GRIA1: variants seen among roughly 807,000 people sequenced by gnomAD.
The protein encoded by GRIA1 is glutamate ionotropic receptor AMPA type subunit 1, also known as glutamate receptor 1.
In GRIA1, 31 loss-of-function variants were observed where a neutral mutation model predicts 99.2. That is an observed-to-expected ratio of 0.31 (90% CI 0.23 to 0.42). The LOEUF (loss-of-function observed/expected upper bound fraction) is 0.42. Among genes scored for constraint, GRIA1 ranks in the 10% least tolerant of loss-of-function variants. The pLI is 1.00. For missense variants in GRIA1, 782 were observed against 1,157.5 expected, an observed-to-expected ratio of 0.68 and a Z score of 4.71; for synonymous variants, 438 against 432.4, an observed-to-expected ratio of 1.01 and a Z score of -0.16.
At chr5:153,671,658 G>A (rs952309196) in intron 5 of GRIA1, among the ~76,000 whole-genome samples, 1 of 152,128 alleles carries the variant, frequency 6.6e-6, no homozygotes, top group African/African-American at 2.4e-5. Flanking sequence ...GGTATTTGCT[G>A]CCTGCTGGTC....
intron 2 of GRIA1, among the ~76,000 whole-genome samples, chr5:153,583,065 T>A (rs1222191271): frequency 6.6e-6 from 1 of 152,132 alleles, no homozygotes; most frequent in Non-Finnish European, 1.5e-5. Flanking sequence ...CCCAAAGTGC[T>A]GGGATTACAG....
intron 2 of GRIA1, among the ~76,000 whole-genome samples, chr5:153,512,476 A>C (rs569925571): frequency 5.3e-5 from 8 of 152,338 alleles, no homozygotes; most frequent in African/African-American, 1.9e-4. Flanking sequence ...TCTATGGCCC[A>C]AGAGGCCAAA....
At chr5:153,622,117 A>T (rs1250276156) in intron 2 of GRIA1, among the ~76,000 whole-genome samples, 1 of 152,168 alleles carries the variant, frequency 6.6e-6, no homozygotes, top group Non-Finnish European at 1.5e-5. Flanking sequence ...ATATGTTAGA[A>T]ATGAAAATTC....
chr5:153,726,663 C>T (rs1760558068), intron 11 of GRIA1, among the ~76,000 whole-genome samples: 1 of 152,188 alleles, frequency 6.6e-6, no homozygotes, highest in African/African-American at 2.4e-5. Context: ...TTCCTCGACA[C>T]ATACACCCTC....
intron 2 of GRIA1, among the ~76,000 whole-genome samples, chr5:153,517,592 C>T (rs951356401): frequency 6.6e-6 from 1 of 152,160 alleles, no homozygotes; most frequent in East Asian, 1.9e-4. Context: ...GCTGGAGATG[C>T]GTTCACTAAT....
At chr5:153,624,818 C>A (rs1386264079) in intron 2 of GRIA1, among the ~76,000 whole-genome samples, 1 of 152,216 alleles carries the variant, frequency 6.6e-6, no homozygotes, top group Non-Finnish European at 1.5e-5. Context: ...TCTTTAGTAT[C>A]TTCTGTATGC....
At position 153,705,662 on chromosome 5, in the gene GRIA1, ATTTTTTTTTTTT is replaced by A. The variant is rs70978505; in HGVS notation, c.1453-15_1453-4del. On this transcript the variant is annotated intron_variant, in intron 10 of 15. Coordinates refer to ENST00000285900, the MANE Select transcript of GRIA1 (RefSeq NM_000827.4). ...GAAAAGGGCTGCTGAGCTCACCTGC[ATTTTTTTTTTTT>A]TTTTTTTTTTTTTTTTTTTCAGAGA... 145 of 752,614 alleles carry A rather than the reference ATTTTTTTTTTTT, an allele frequency of 1.9e-4. 1 individual carries two copies. Among genetic ancestry groups the A allele is most frequent in the African/African-American group, 6.4e-4 (15 of 23,272 alleles). 46.6% of individuals were successfully genotyped at this position (752,614 alleles called of 1,614,324 possible).
At chr5:153,734,341 A>G (rs958148300) in intron 11 of GRIA1, among the ~76,000 whole-genome samples, 3 of 152,186 alleles carry the variant, frequency 2.0e-5, no homozygotes, top group African/African-American at 7.2e-5. Context: ...ATTGCCCTTG[A>G]TATTTCACCA....
intron 4 of GRIA1, among the ~76,000 whole-genome samples, chr5:153,653,185 G>C (rs1177222019): frequency 1.3e-5 from 2 of 152,158 alleles, no homozygotes; most frequent in African/African-American, 4.8e-5. Flanking sequence ...TGAATTAAAA[G>C]AATAAGGAAT....
intron 11 of GRIA1, among the ~76,000 whole-genome samples, chr5:153,755,937 G>C (rs550618030): frequency 6.6e-6 from 1 of 152,288 alleles, no homozygotes; most frequent in African/African-American, 2.4e-5. Context: ...TTCCTCAAAG[G>C]GCTTGGCTTC....
intron 2 of GRIA1, among the ~76,000 whole-genome samples, chr5:153,499,119 C>T (rs1183201071): frequency 1.3e-5 from 2 of 152,070 alleles, no homozygotes; most frequent in African/African-American, 4.8e-5. Context: ...TTTTGAAGAC[C>T]TACTATGTGC....
intron 2 of GRIA1, among the ~76,000 whole-genome samples, chr5:153,513,530 T>A (rs925969506): frequency 3.3e-5 from 5 of 152,126 alleles, no homozygotes; most frequent in African/African-American, 9.7e-5. Context: ...TTGTCCTGAG[T>A]CAGTGAGCCA....
intron 2 of GRIA1, among the ~76,000 whole-genome samples, chr5:153,533,986 G>A (rs1356839901): frequency 2.6e-5 from 4 of 152,240 alleles, no homozygotes; most frequent in Non-Finnish European, 5.9e-5. Context: ...ACTCCAGAGT[G>A]TAGAGACTGA....
At chr5:153,795,117 A>T (rs1765565649) in intron 14 of GRIA1, among the ~76,000 whole-genome samples, 1 of 152,134 alleles carries the variant, frequency 6.6e-6, no homozygotes, top group Non-Finnish European at 1.5e-5. Flanking sequence ...GCATGGAAGC[A>T]GATTCTGAGA....
At chr5:153,641,521 C>A (rs1253355449) in intron 2 of GRIA1, among the ~76,000 whole-genome samples, 3 of 152,130 alleles carry the variant, frequency 2.0e-5, no homozygotes, top group African/African-American at 7.2e-5. Flanking sequence ...AGAGGGAATT[C>A]CTGGCCTCGT....
intron 13 of GRIA1, among the ~76,000 whole-genome samples, chr5:153,789,881 A>ATTGTTGTTG (rs56804040): frequency 6.6e-6 from 1 of 151,696 alleles, no homozygotes; most frequent in Non-Finnish European, 1.5e-5. Flanking sequence ...TCATAATAAT[A>ATTGTTGTTG]TTGTTGTTGT....
At chr5:153,623,944 C>T (rs1767318750) in intron 2 of GRIA1, among the ~76,000 whole-genome samples, 1 of 146,792 alleles carries the variant, frequency 6.8e-6, no homozygotes, top group Non-Finnish European at 1.5e-5. Context: ...GTTTCTGCAG[C>T]ACATTTGTTA....
intron 2 of GRIA1, among the ~76,000 whole-genome samples, chr5:153,598,272 C>T (rs1764595202): frequency 1.3e-5 from 2 of 151,796 alleles, no homozygotes; most frequent in African/African-American, 4.8e-5. Context: ...AAGAGCACAT[C>T]CTGTCAGTGC....
At chr5:153,779,298 C>A (rs1228979911) in intron 13 of GRIA1, among the ~76,000 whole-genome samples, 1 of 152,180 alleles carries the variant, frequency 6.6e-6, no homozygotes, top group African/African-American at 2.4e-5. Flanking sequence ...TAGGTACAAA[C>A]CCTGACTCTG....
Sources: gnomAD v4.1 joint callset for allele counts (sites outside exome capture counted in the v4.1 genomes callset) on GRCh38, gnomAD v4.1.1 for gene constraint, MANE v1.5 for transcripts, NCBI Gene and HGNC (gene_info 2026-07-23, HGNC 2026-07-21) for gene names.